TBL1XR1: variants seen among roughly 807,000 people sequenced by gnomAD.
TBL1XR1 encodes the protein TBL1X/Y related 1, also known as F-box-like/WD repeat-containing protein TBL1XR1.
Under a neutral mutation model 66.9 loss-of-function variants are expected in TBL1XR1, and 5 were observed. The observed-to-expected ratio is 0.07, with a 90% CI of 0.04 to 0.16. TBL1XR1 has a LOEUF of 0.16. Among genes scored for constraint, TBL1XR1 ranks in the 10% least tolerant of loss-of-function variants. TBL1XR1 has a pLI of 1.00. For synonymous variants in TBL1XR1, 210 were observed against 206.0 expected, an observed-to-expected ratio of 1.02 and a Z score of -0.17; for missense variants, 238 against 623.2, an observed-to-expected ratio of 0.38 and a Z score of 6.58.
At chr3:177,133,889 A>AAAAAC (rs1295130121) in intron 1 of TBL1XR1, among the ~76,000 whole-genome samples, 1 of 151,766 alleles carries the variant, frequency 6.6e-6, no homozygotes, top group African/African-American at 2.4e-5. Flanking sequence ...AAAAAAAAAA[A>AAAAAC]AAAAAAGTAA....
At chr3:177,049,864 G>C (rs188633200) in intron 7 of TBL1XR1, 133 bp downstream of exon 7, 2 of 969,156 alleles carry the variant, frequency 2.1e-6, no homozygotes, top group African/African-American at 3.4e-5. Flanking sequence ...GGCAGGGGAC[G>C]ACTCCCGGTT....
chr3:177,194,677 AC>A (rs1174826485), intron 1 of TBL1XR1, among the ~76,000 whole-genome samples: 2 of 149,742 alleles, frequency 1.3e-5, no homozygotes, highest in African/African-American at 4.9e-5. Context: ...TTTTATCAGT[AC>A]CCCTTATATT....
chr3:177,184,817 C>A (rs1735222234), intron 1 of TBL1XR1, among the ~76,000 whole-genome samples: 1 of 149,862 alleles, frequency 6.7e-6, no homozygotes, highest in African/African-American at 2.4e-5. Flanking sequence ...AAAAAAAAAT[C>A]ATCACTGATT....
At chr3:177,169,213 G>T (rs1439040231) in intron 1 of TBL1XR1, among the ~76,000 whole-genome samples, 1 of 152,026 alleles carries the variant, frequency 6.6e-6, no homozygotes, top group African/African-American at 2.4e-5. Flanking sequence ...CAAATTCCAT[G>T]GATACCAATT....
chr3:177,055,193 T>C (rs1036849424), intron 3 of TBL1XR1, among the ~76,000 whole-genome samples: 5 of 152,120 alleles, frequency 3.3e-5, no homozygotes. Context: ...AGTAATGTCT[T>C]TTTTGGATTT....
chr3:177,057,514 C>T (rs1283491103), intron 3 of TBL1XR1, among the ~76,000 whole-genome samples: 1 of 152,096 alleles, frequency 6.6e-6, no homozygotes, highest in African/African-American at 2.4e-5. Context: ...TTTGGCACAT[C>T]AAAAAAATCT....
At chr3:177,067,127 T>A (rs1007169914) in intron 2 of TBL1XR1, among the ~76,000 whole-genome samples, 1 of 152,196 alleles carries the variant, frequency 6.6e-6, no homozygotes, top group Non-Finnish European at 1.5e-5. Flanking sequence ...TCGGCACACA[T>A]AGCAGGCACA....
chr3:177,053,634 C>T, intron 4 of TBL1XR1, 139 bp downstream of exon 4: 1 of 781,096 alleles, frequency 1.3e-6, no homozygotes, highest in Non-Finnish European at 2.0e-6. Context: ...AACCTGACTA[C>T]CACATTAGGG....
chr3:177,098,880 G>A (rs1723836368), intron 1 of TBL1XR1, among the ~76,000 whole-genome samples: 1 of 151,610 alleles, frequency 6.6e-6, no homozygotes, highest in African/African-American at 2.4e-5. Context: ...TATAATCATG[G>A]GCCACCAAGA....
intron 1 of TBL1XR1, among the ~76,000 whole-genome samples, chr3:177,120,314 T>C (rs1726835828): frequency 6.6e-6 from 1 of 152,120 alleles, no homozygotes; most frequent in South Asian, 2.1e-4. Context: ...CTACTCTGTC[T>C]TACCAGGATG....
chr3:177,193,009 C>T (rs1299355477), intron 1 of TBL1XR1, among the ~76,000 whole-genome samples: 2 of 151,730 alleles, frequency 1.3e-5, no homozygotes, highest in Admixed American at 6.6e-5. Context: ...AAAAATTAGC[C>T]GGGAGTGGTG....
rs1260081784 is a variant in TBL1XR1, at chr3:177,023,535, T to C, written c.*1963A>G. On this transcript the variant is annotated 3_prime_UTR_variant, in exon 16 of 16. Transcript: ENST00000457928. Reference sequence around the variant, plus strand: ...CATCGTGAATGACTGCCTCTCTTGATGTAAATTTTTAAAAATATTATTACA... The same window carrying C: ...CATCGTGAATGACTGCCTCTCTTGACGTAAATTTTTAAAAATATTATTACA... 2 of 152,524 alleles carry C rather than the reference T, an allele frequency of 1.3e-5. No homozygotes were observed. The highest frequency in any genetic ancestry group is 2.9e-5 in the Non-Finnish European group (2 of 67,966). The allele number at this position is 152,524 out of a possible 1,614,324, so 9.4% of individuals were successfully genotyped here.
At chr3:177,047,149 G>C (rs192363348) in intron 9 of TBL1XR1, 151 bp downstream of exon 9, 2 of 607,168 alleles carry the variant, frequency 3.3e-6, no homozygotes, top group East Asian at 5.6e-5. Flanking sequence ...ATTCAGAAAT[G>C]AGCTGATAGA....
intron 1 of TBL1XR1, among the ~76,000 whole-genome samples, chr3:177,142,325 A>G (rs946293469): frequency 2.6e-5 from 4 of 152,216 alleles, no homozygotes; most frequent in African/African-American, 9.7e-5. Context: ...CTGTAGTCAC[A>G]TTTATACCTA....
chr3:177,170,552 A>G (rs1230845982), intron 1 of TBL1XR1, among the ~76,000 whole-genome samples: 3 of 152,146 alleles, frequency 2.0e-5, no homozygotes, highest in Non-Finnish European at 4.4e-5. Flanking sequence ...TGCCTGGAGC[A>G]TAATAGGCAC....
chr3:177,116,603 T>C (rs1044498887), intron 1 of TBL1XR1, among the ~76,000 whole-genome samples: 9 of 152,182 alleles, frequency 5.9e-5, no homozygotes, highest in Non-Finnish European at 1.2e-4. Context: ...GCTTTGTAAC[T>C]TGAATGCCGA....
chr3:177,028,425 T>C (rs1045722780), intron 14 of TBL1XR1, among the ~76,000 whole-genome samples: 1 of 152,242 alleles, frequency 6.6e-6, no homozygotes, highest in African/African-American at 2.4e-5. Context: ...TTCATTAAAA[T>C]TGATTTTGTC....
chr3:177,181,937 C>T (rs6764115), intron 1 of TBL1XR1, among the ~76,000 whole-genome samples: 134 of 151,918 alleles, frequency 8.8e-4, no homozygotes, highest in African/African-American at 3.0e-3. Context: ...TTAACTGCTA[C>T]GGTCAGGCCA....
intron 2 of TBL1XR1, among the ~76,000 whole-genome samples, chr3:177,083,872 G>A (rs923136213): frequency 3.3e-5 from 5 of 151,794 alleles, no homozygotes; most frequent in African/African-American, 9.7e-5. Context: ...GGTGGATCAC[G>A]AGGTCAGGAG....
Sources: allele counts gnomAD v4.1 joint callset (sites outside exome capture counted in the v4.1 genomes callset), GRCh38; gene constraint gnomAD v4.1.1; transcripts MANE v1.5; gene names NCBI Gene and HGNC (gene_info 2026-07-23, HGNC 2026-07-21).